HEATR5B: variants seen among roughly 807,000 people sequenced by gnomAD.
The protein encoded by HEATR5B is HEAT repeat containing 5B.
HEATR5B carries 156 observed loss-of-function variants against 224.1 expected under a neutral mutation model. The ratio of observed to expected loss-of-function variants is 0.70; its 90% CI spans 0.61 to 0.80. The LOEUF (loss-of-function observed/expected upper bound fraction) is 0.80. Ranked by LOEUF, HEATR5B falls within the 30% of genes least tolerant of loss-of-function variation. The pLI, the probability that HEATR5B is intolerant of heterozygous loss-of-function variation, is 0.00. For missense variants in HEATR5B, 2,323 were observed against 2,535.5 expected (o/e 0.92, Z 1.80); for synonymous variants, 1,027 against 893.0 (o/e 1.15, Z -2.68).
At chr2:37,032,583 A>G (rs1435473951) in intron 22 of HEATR5B, 46 bp downstream of exon 22, 6 of 1,507,966 alleles carry the variant, frequency 4.0e-6, no homozygotes, top group Non-Finnish European at 5.5e-6. Context: ...ACTGAAATGT[A>G]AAAGTAGTTA....
chr2:37,026,992 T>A (rs1668821532), intron 24 of HEATR5B, among the ~76,000 whole-genome samples: 1 of 151,982 alleles, frequency 6.6e-6, no homozygotes, highest in Admixed American at 6.6e-5. Context: ...AGAGATGGGG[T>A]TTCAGCATGT....
In HEATR5B at chr2:37,028,860, C is replaced by A; in HGVS notation, c.3422G>T (p.Gly1141Val). ...SRTDIHCRHQ[G>V]VNITETGLEG... ...AAGACCAGTTTCTGTTATATTAACA[C>A]CTTGGTGCCGGCAATGGATATCAGT... Residue 1141 changes from glycine (G) to valine (V), a missense_variant, in exon 23 of 36, where the codon GGT (glycine) becomes GTT (valine). By Grantham distance (109) the Gly-to-Val change is moderately radical (BLOSUM62 -3). Around this residue, in one of 12 missense-constraint regions of HEATR5B, gnomAD observed 339 missense variants for 378.4 expected, o/e 0.90. Transcript: ENST00000233099. 6.2e-7 allele frequency: 1 copy of A among 1,614,002 alleles called. No individual in the cohort carries two copies. Among genetic ancestry groups the A allele is most frequent in the Non-Finnish European group, 8.5e-7 (1 of 1,179,892 alleles).
intron 18 of HEATR5B, among the ~76,000 whole-genome samples, chr2:37,044,356 G>A (rs1311170062): frequency 1.3e-5 from 2 of 152,178 alleles, no homozygotes; most frequent in Non-Finnish European, 2.9e-5. Context: ...TCATACGAAT[G>A]AAATCAGATA....
At chr2:37,075,772 A>T (rs546691724) in intron 4 of HEATR5B, 138 bp from the exon 5 acceptor site, 2 of 522,580 alleles carry the variant, frequency 3.8e-6, no homozygotes, top group Non-Finnish European at 6.5e-6. Context: ...AGTACAATAA[A>T]ATTAAGTATT....
chr2:36,988,562 G>C, intron 35 of HEATR5B, 84 bp downstream of exon 35: 1 of 1,204,274 alleles, frequency 8.3e-7, no homozygotes, highest in Non-Finnish European at 1.2e-6. Flanking sequence ...GCGCCCAGCA[G>C]GCCTGTTTCT....
At chr2:37,010,762 T>C (rs1217437181) in intron 27 of HEATR5B, among the ~76,000 whole-genome samples, 2 of 151,992 alleles carry the variant, frequency 1.3e-5, no homozygotes, top group Non-Finnish European at 2.9e-5. Flanking sequence ...GATCCATCCT[T>C]CTCAGCCTCC....
At chr2:37,059,073 T>C (rs1344786270) in intron 12 of HEATR5B, 86 bp from the exon 13 acceptor site, 1 of 758,004 alleles carries the variant, frequency 1.3e-6, no homozygotes, top group Non-Finnish European at 2.1e-6. Flanking sequence ...ATAAAGGCAG[T>C]TGTAATACTT....
intron 26 of HEATR5B, among the ~76,000 whole-genome samples, chr2:37,017,412 C>T (rs773776472): frequency 2.7e-5 from 4 of 149,220 alleles, no homozygotes; most frequent in African/African-American, 7.4e-5. Flanking sequence ...ATGACAGGTG[C>T]GGTGGCTCAC....
Position 36,986,898 on chromosome 2 carries a change from T to G in HEATR5B, c.5911+1748A>C, listed in dbSNP as rs149596498. On this transcript the variant is annotated intron_variant, in intron 35 of 35. Transcript: ENST00000233099. ...TCCCAAAGTGCTGGGATTACAGGCA[T>G]GAGCCACCGCGTGCAGCTAATTTTT... is the stretch of plus-strand genomic sequence containing the variant. Among the ~76,000 whole-genome samples the G allele has an allele frequency of 7.0e-4, 107 of 152,258 alleles. No individual in the cohort carries two copies. In the East Asian group the frequency reaches 0.019, roughly 26 times the overall value.
At position 37,065,771 on chromosome 2, in the gene HEATR5B, A is replaced by G. The variant is rs745978319; in HGVS notation, c.1317T>C (p.Ile439=). 1.9e-6 allele frequency: 3 copies of G among 1,613,534 alleles called. No homozygotes were observed. The South Asian group carries it at 3.3e-5, about 18-fold the overall frequency. Reference sequence around the variant, plus strand: ...ATGTCATACCTATAGATGCTTCTTGAATAAGAGGGGATGCGGTGGCATTCA... The same window carrying G: ...ATGTCATACCTATAGATGCTTCTTGGATAAGAGGGGATGCGGTGGCATTCA... ...QSLNATASPL[I]QEASIGLLEI... The change falls in exon 9 of 36, where the codon ATT becomes ATC. Residue 439 remains isoleucine, a synonymous_variant. Coordinates refer to ENST00000233099, the MANE Select transcript of HEATR5B (RefSeq NM_019024.3).
chr2:36,995,344 C>T lies in HEATR5B; in HGVS notation c.5546-4545G>A, dbSNP rs1034089331. On this transcript the variant is annotated intron_variant, in intron 33 of 35. Coordinates refer to ENST00000233099, the MANE Select transcript of HEATR5B (RefSeq NM_019024.3). ...GACCTCGTGATCTGCCCACTTTGGCCTCCTTTGGGATTACAGGTGTGAGCT... is the reference window on the plus strand; with the variant it reads ...GACCTCGTGATCTGCCCACTTTGGCTTCCTTTGGGATTACAGGTGTGAGCT... Among the ~76,000 whole-genome samples, 5 of 152,030 alleles carry T rather than the reference C, an allele frequency of 3.3e-5. No homozygotes were observed. The East Asian group carries it at 9.6e-4, about 29-fold the overall frequency.
intron 33 of HEATR5B, among the ~76,000 whole-genome samples, chr2:36,993,636 G>A (rs1342585587): frequency 6.6e-6 from 1 of 151,996 alleles, no homozygotes; most frequent in Non-Finnish European, 1.5e-5. Context: ...ATTATAAAAT[G>A]GAAAAATGGC....
At chr2:37,035,549 A>G (rs1238285262) in intron 21 of HEATR5B, among the ~76,000 whole-genome samples, 1 of 152,152 alleles carries the variant, frequency 6.6e-6, no homozygotes, top group African/African-American at 2.4e-5. Context: ...GCATTTCCCT[A>G]TTAAGTTTAC....
At chr2:37,048,310 A>C (rs953047376) in intron 18 of HEATR5B, among the ~76,000 whole-genome samples, 3 of 151,506 alleles carry the variant, frequency 2.0e-5, no homozygotes, top group Non-Finnish European at 2.9e-5. Flanking sequence ...TCAGCCTCCC[A>C]AGTAGATGGG....
chr2:36,985,456 T>TG (rs1318047039), intron 35 of HEATR5B, among the ~76,000 whole-genome samples: 18 of 136,942 alleles, frequency 1.3e-4, no homozygotes, highest in Admixed American at 8.2e-4. Flanking sequence ...TGCTTTTTTT[T>TG]GGTTTTTTTT....
At chr2:36,988,356 G>A (rs892319702) in intron 35 of HEATR5B, among the ~76,000 whole-genome samples, 8 of 151,496 alleles carry the variant, frequency 5.3e-5, no homozygotes, top group Admixed American at 2.0e-4. Context: ...TCCAACTCCC[G>A]GGTCCAAGTG....
chr2:37,072,335 A>G, intron 5 of HEATR5B, 54 bp from the exon 6 acceptor site: 1 of 1,299,160 alleles, frequency 7.7e-7, no homozygotes, highest in Non-Finnish European at 1.1e-6. Context: ...GCTTCCAGAG[A>G]TGGAATAGCA....
At chr2:37,059,497 T>G (rs979705054) in intron 12 of HEATR5B, among the ~76,000 whole-genome samples, 4 of 126,134 alleles carry the variant, frequency 3.2e-5, no homozygotes, top group African/African-American at 1.2e-4. Flanking sequence ...AGAGTCTCAC[T>G]CTGTCAACCA....
chr2:37,043,063 T>C (rs1669976682), intron 18 of HEATR5B, among the ~76,000 whole-genome samples: 1 of 152,158 alleles, frequency 6.6e-6, no homozygotes, highest in Admixed American at 6.5e-5. Context: ...TCTCAACTGG[T>C]TCAGCTTACA....
Sources: allele counts gnomAD v4.1 joint callset (sites outside exome capture counted in the v4.1 genomes callset), GRCh38; gene constraint gnomAD v4.1.1; regional missense constraint gnomAD v4.1.1; transcripts MANE v1.5; gene names NCBI Gene and HGNC (gene_info 2026-07-23, HGNC 2026-07-21).